Variants in DMD observed in about 807,000 individuals in gnomAD.
DMD encodes mutant dystrophin.
A neutral mutation model predicts 330.1 loss-of-function variants in DMD; 63 were observed. The observed-to-expected ratio is 0.19, with a 90% CI of 0.16 to 0.24. The LOEUF is 0.24. Ranked by LOEUF, DMD falls within the 10% of genes least tolerant of loss-of-function variation. The probability of loss-of-function intolerance (pLI) is 1.00; values close to 1 mark genes in which losing one functional copy is unlikely to be tolerated. For missense variants in DMD, 3,344 were observed against 2,684.1 expected (o/e 1.25, Z -5.43); for synonymous variants, 1,223 against 959.8 (o/e 1.27, Z -5.07).
chrX:32,420,155 G>A (rs981665922), intron 29 of DMD, among the ~76,000 whole-genome samples: 5 of 111,779 alleles, frequency 4.5e-5, no homozygotes, highest in African/African-American at 1.6e-4. Flanking sequence ...GCCCAATGGC[G>A]AGGTACTCTT....
intron 29 of DMD, 45 bp downstream of exon 29, chrX:32,438,196 A>G (rs768284891): frequency 2.5e-6 from 3 of 1,177,591 alleles, no homozygotes; most frequent in Middle Eastern, 2.3e-4. Context: ...TCTGCTATAC[A>G]TTAATGCAAA....
intron 43 of DMD, among the ~76,000 whole-genome samples, chrX:32,227,051 G>A (rs2097150368): frequency 9.4e-6 from 1 of 106,612 alleles, no homozygotes; most frequent in Non-Finnish European, 1.9e-5. Flanking sequence ...CACATTTAGG[G>A]ACTGTGACTC....
chrX:32,773,237 CAATT>C (rs2073810788), intron 7 of DMD, among the ~76,000 whole-genome samples: 1 of 111,084 alleles, frequency 9.0e-6, no homozygotes, highest in South Asian at 3.8e-4. Flanking sequence ...GAGAAATGTC[CAATT>C]ATTAGATGAG....
At chrX:32,412,234 A>G in intron 29 of DMD, 1 of 1,028,670 alleles carries the variant, frequency 9.7e-7, no homozygotes, top group South Asian at 1.9e-5. Flanking sequence ...CTCAGGTCGA[A>G]TGTTCCTCCT....
chrX:32,080,090 ATAT>A (rs1430500501), intron 44 of DMD, among the ~76,000 whole-genome samples: 1 of 112,685 alleles, frequency 8.9e-6, no homozygotes, highest in Non-Finnish European at 1.9e-5. Context: ...AAGAGGAATC[ATAT>A]TATTAACTGG....
Position 32,472,266 on chromosome X carries a change from A to C in DMD, c.2847T>G (p.Ser949Arg). 5.0e-6 allele frequency: 6 copies of C among 1,210,991 alleles called. No individual in the cohort carries two copies. The South Asian group carries it at 1.1e-4, about 21-fold the overall frequency. The change falls in exon 22 of 79, where the codon AGT becomes AGG. Residue 949 changes from serine to arginine, a missense_variant. By Grantham distance (110) the Ser-to-Arg change is moderately radical. Coordinates refer to ENST00000357033, the MANE Select transcript of DMD (RefSeq NM_004006.3). ...LPPMRYQETM[S>R]AIRTWVQQSE... ...ACTGCTGGACCCATGTCCTGATGGC[A>C]CTCATGGTCTCCTGATAGCGCATTG...
chrX:32,408,888 CTAT>C (rs1276379129), intron 30 of DMD, among the ~76,000 whole-genome samples: 32 of 108,183 alleles, frequency 3.0e-4, no homozygotes, highest in African/African-American at 1.0e-3. Context: ...ATCTATCTAT[CTAT>C]CTATCTATCT....
intron 47 of DMD, among the ~76,000 whole-genome samples, chrX:31,917,659 C>T (rs753075847): frequency 6.2e-5 from 7 of 112,460 alleles, no homozygotes; most frequent in Non-Finnish European, 1.3e-4. Flanking sequence ...ATTATTGTCA[C>T]GCATCTTTAT....
At chrX:31,537,179 A>G (rs2073470254) in intron 55 of DMD, among the ~76,000 whole-genome samples, 1 of 111,911 alleles carries the variant, frequency 8.9e-6, no homozygotes, top group African/African-American at 3.3e-5. Context: ...TTTTGGTCTT[A>G]TCTTTCATGA....
intron 55 of DMD, among the ~76,000 whole-genome samples, chrX:31,602,133 C>A (rs1037165384): frequency 2.2e-4 from 24 of 111,230 alleles, no homozygotes; most frequent in Admixed American, 9.6e-4. Context: ...CAATGCCCTG[C>A]CAAGCAGTTA....
chrX:32,346,230 C>G, intron 38 of DMD, 150 bp from the exon 39 acceptor site: 1 of 633,660 alleles, frequency 1.6e-6, no homozygotes, highest in Non-Finnish European at 2.4e-6. Flanking sequence ...GTGCTCATAG[C>G]CTTTCTTTTA....
intron 2 of DMD, among the ~76,000 whole-genome samples, chrX:32,887,239 T>TG (rs1307111394): frequency 9.3e-6 from 1 of 107,995 alleles, no homozygotes; most frequent in Non-Finnish European, 1.9e-5. Context: ...CCCAGCTACT[T>TG]GGGAGGCTGA....
rs2092503482 is a variant in DMD, at chrX:31,812,811, A to T, written c.7309+7164T>A. On this transcript the variant is annotated intron_variant, in intron 50 of 78. Transcript: ENST00000357033. ...TCTGTAACCTTGGACAAATTATTTA[A>T]CCTTTCTGACCCTTGGTTATCTCAT... Among the ~76,000 whole-genome samples, 4 of 111,644 alleles carry T rather than the reference A, an allele frequency of 3.6e-5. No homozygotes were observed. In the Admixed American group the frequency reaches 3.8e-4, roughly 11 times the overall value.
chrX:31,757,068 A>G (rs937379500), intron 51 of DMD, among the ~76,000 whole-genome samples: 7 of 111,001 alleles, frequency 6.3e-5, no homozygotes, highest in African/African-American at 2.3e-4. Context: ...TTAAAATAGC[A>G]TAAATAACAT....
intron 44 of DMD, among the ~76,000 whole-genome samples, chrX:31,991,796 G>A (rs2095552671): frequency 9.2e-6 from 1 of 109,109 alleles, no homozygotes; most frequent in Admixed American, 9.8e-5. Flanking sequence ...ATATCGCAGT[G>A]GTATTGAACA....
Position 32,406,397 on chromosome X carries a change from G to A in DMD, c.4233+5355C>T, listed in dbSNP as rs767368589. Among the ~76,000 whole-genome samples, 651 of 109,793 alleles carry A rather than the reference G, an allele frequency of 5.9e-3. 9 individuals are homozygous for A. Among genetic ancestry groups the A allele is most frequent in the African/African-American group, 0.021 (607 of 29,391 alleles). ...TGATATTGGCTGTGGGTTCATCATA[G>A]ATAGCTCTTATTATTTTGAGATTTG... On this transcript the variant is annotated intron_variant, in intron 30 of 78. Coordinates refer to ENST00000357033, the MANE Select transcript of DMD (RefSeq NM_004006.3).
At chrX:32,220,423 T>C (rs1398827561) in intron 43 of DMD, among the ~76,000 whole-genome samples, 1 of 111,538 alleles carries the variant, frequency 9.0e-6, no homozygotes, top group Non-Finnish European at 1.9e-5. Context: ...TATTAAAGAA[T>C]AAAATCATGG....
intron 33 of DMD, among the ~76,000 whole-genome samples, chrX:32,382,491 C>T (rs1465796228): frequency 9.0e-6 from 1 of 111,331 alleles, no homozygotes; most frequent in African/African-American, 3.2e-5. Context: ...TATTCTGGAA[C>T]CTTGATAACA....
intron 52 of DMD, among the ~76,000 whole-genome samples, chrX:31,709,580 C>G (rs200909089): frequency 3.8e-5 from 3 of 79,421 alleles, no homozygotes; most frequent in African/African-American, 1.6e-4. Flanking sequence ...CTCTCTCTCT[C>G]TGTCTGTGTG....
Sources: allele counts gnomAD v4.1 joint callset (sites outside exome capture counted in the v4.1 genomes callset), GRCh38; gene constraint gnomAD v4.1.1; transcripts MANE v1.5; gene names NCBI Gene and HGNC (gene_info 2026-07-23, HGNC 2026-07-21).